The following FAM171A1 variants were observed in gnomAD, a reference collection of about 807,000 sequenced individuals.
FAM171A1 encodes protein FAM171A1.
FAM171A1 carries 23 observed loss-of-function variants against 74.9 expected under a neutral mutation model. The ratio of observed to expected loss-of-function variants is 0.31; its 90% CI spans 0.22 to 0.44. FAM171A1 has a LOEUF of 0.44. FAM171A1 is among the 20% of genes least tolerant of loss of function. FAM171A1 has a pLI of 1.00. For missense variants in FAM171A1, 1,162 were observed against 1,159.2 expected (o/e 1.00, Z -0.03); for synonymous variants, 527 against 505.7 (o/e 1.04, Z -0.57).
chr10:15,258,195 C>A (rs563334893), intron 3 of FAM171A1, among the ~76,000 whole-genome samples: 4 of 151,950 alleles, frequency 2.6e-5, no homozygotes, highest in African/African-American at 9.6e-5. Flanking sequence ...CAAGTAGCTG[C>A]GATTACAAGT....
intron 1 of FAM171A1, among the ~76,000 whole-genome samples, chr10:15,346,757 A>G (rs779082594): frequency 2.0e-5 from 3 of 152,230 alleles, no homozygotes; most frequent in Non-Finnish European, 4.4e-5. Flanking sequence ...CAAAAATCAA[A>G]GCCCTGTGAA....
intron 1 of FAM171A1, among the ~76,000 whole-genome samples, chr10:15,356,864 G>T (rs572040220): frequency 6.6e-6 from 1 of 151,998 alleles, no homozygotes; most frequent in Non-Finnish European, 1.5e-5. Context: ...CCAACTACTC[G>T]GGAGGCTGAG....
intron 3 of FAM171A1, among the ~76,000 whole-genome samples, chr10:15,261,763 G>A (rs1173567113): frequency 6.6e-6 from 1 of 152,172 alleles, no homozygotes; most frequent in Admixed American, 6.5e-5. Context: ...GGAACTCTCT[G>A]TGAGCTACGT....
intron 3 of FAM171A1, among the ~76,000 whole-genome samples, chr10:15,258,571 C>T (rs915710797): frequency 1.3e-5 from 2 of 152,178 alleles, no homozygotes; most frequent in Admixed American, 6.5e-5. Context: ...TCCCCATAAG[C>T]GAATGCCTTC....
intron 6 of FAM171A1, among the ~76,000 whole-genome samples, chr10:15,218,377 C>T (rs531468759): frequency 6.6e-6 from 1 of 152,228 alleles, no homozygotes; most frequent in East Asian, 1.9e-4. Flanking sequence ...CCGTGCCTGG[C>T]CAGCATTATT....
At chr10:15,283,842 G>T in intron 2 of FAM171A1, 36 bp downstream of exon 2, 1 of 1,600,724 alleles carries the variant, frequency 6.2e-7, no homozygotes, top group Non-Finnish European at 8.6e-7. Context: ...ACCAGCCAAT[G>T]CCCTCTGTGT....
intron 1 of FAM171A1, among the ~76,000 whole-genome samples, chr10:15,295,746 C>T (rs1455766460): frequency 6.6e-6 from 1 of 152,204 alleles, no homozygotes; most frequent in Non-Finnish European, 1.5e-5. Context: ...CCATTCCCAC[C>T]AAGCAGGCCA....
intron 5 of FAM171A1, among the ~76,000 whole-genome samples, chr10:15,234,269 GAAAC>G (rs1477491885): frequency 6.6e-6 from 1 of 152,086 alleles, no homozygotes; most frequent in African/African-American, 2.4e-5. Flanking sequence ...ACTTACGAAA[GAAAC>G]AAGAAACAAA....
intron 3 of FAM171A1, 30 bp from the exon 4 acceptor site, chr10:15,254,909 C>T (rs1834559690): frequency 1.3e-6 from 2 of 1,592,936 alleles, no homozygotes. Context: ...AGTTATCTCC[C>T]CCAGGAGCAG....
At chr10:15,353,909 A>C (rs1452893444) in intron 1 of FAM171A1, among the ~76,000 whole-genome samples, 3 of 152,216 alleles carry the variant, frequency 2.0e-5, no homozygotes, top group Non-Finnish European at 4.4e-5. Context: ...CCAAACATGG[A>C]CCCTGAAAAC....
At chr10:15,241,032 TTAAA>T (rs1188892157) in intron 5 of FAM171A1, 2 of 133,404 alleles carry the variant, frequency 1.5e-5, no homozygotes, top group Non-Finnish European at 3.4e-5. Flanking sequence ...GACCCCTTCT[TTAAA>T]CAAACAAACA....
intron 5 of FAM171A1, among the ~76,000 whole-genome samples, chr10:15,243,368 A>C (rs1834387327): frequency 6.6e-6 from 1 of 152,104 alleles, no homozygotes; most frequent in Admixed American, 6.5e-5. Flanking sequence ...AAGTCCCTTG[A>C]CCGTATAAGG....
In FAM171A1 at chr10:15,248,793, C is replaced by T; in HGVS notation, c.600G>A (p.Leu200=). The change falls in exon 5 of 8, where the codon CTG becomes CTA. Residue 200 remains leucine, a synonymous_variant. Transcript: ENST00000378116. ...GGACGCTGACGGCTGTGACTGGGGT[C>T]AGGTCATGCCTGGTGCTGTTTCCTA... ...NGTGNSTRHD[L]TPVTAVSVHL... 2 of 1,611,458 alleles carry T rather than the reference C, an allele frequency of 1.2e-6. No homozygotes were observed. Among genetic ancestry groups the T allele is most frequent in the South Asian group, 1.1e-5 (1 of 90,396 alleles).
chr10:15,352,377 C>T (rs568797915), intron 1 of FAM171A1, among the ~76,000 whole-genome samples: 1 of 152,146 alleles, frequency 6.6e-6, no homozygotes, highest in Admixed American at 6.5e-5. Context: ...GAATGTGAAA[C>T]AGGAATGGGC....
chr10:15,316,756 G>A (rs567150533), intron 1 of FAM171A1, among the ~76,000 whole-genome samples: 11 of 152,298 alleles, frequency 7.2e-5, no homozygotes, highest in African/African-American at 1.7e-4. Flanking sequence ...GGCATTCAAC[G>A]TTCACTCCCG....
chr10:15,251,478 C>T (rs1834507647), intron 4 of FAM171A1, among the ~76,000 whole-genome samples: 1 of 151,334 alleles, frequency 6.6e-6, no homozygotes, highest in Admixed American at 6.6e-5. Flanking sequence ...TCTTGGCTCA[C>T]TGCAGCCTCT....
intron 2 of FAM171A1, among the ~76,000 whole-genome samples, chr10:15,283,254 A>G: frequency 6.6e-6 from 1 of 152,148 alleles, no homozygotes; most frequent in Non-Finnish European, 1.5e-5. Flanking sequence ...CCCTGCTGGG[A>G]CCAACTGCTC....
intron 1 of FAM171A1, among the ~76,000 whole-genome samples, chr10:15,296,899 T>C (rs557586542): frequency 3.2e-4 from 49 of 152,302 alleles, no homozygotes; most frequent in African/African-American, 1.1e-3. Context: ...CTCAGGCAAC[T>C]GATGCTTATG....
At chr10:15,367,226 A>T (rs1836075115) in intron 1 of FAM171A1, among the ~76,000 whole-genome samples, 1 of 152,092 alleles carries the variant, frequency 6.6e-6, no homozygotes, top group African/African-American at 2.4e-5. Context: ...AAACAAACAC[A>T]CACACAAAAA....
Sources: gnomAD v4.1 joint callset for allele counts (sites outside exome capture counted in the v4.1 genomes callset) on GRCh38, gnomAD v4.1.1 for gene constraint, MANE v1.5 for transcripts, NCBI Gene and HGNC (gene_info 2026-07-23, HGNC 2026-07-21) for gene names.